TENT5D: variants seen among roughly 807,000 people sequenced by gnomAD.
TENT5D encodes terminal nucleotidyltransferase 5D, also known as cancer/testis antigen 112.
For missense variants in TENT5D, 191 were observed against 287.0 expected, an observed-to-expected ratio of 0.67 and a Z score of 2.42; for synonymous variants, 103 against 100.6, an observed-to-expected ratio of 1.02 and a Z score of -0.15.
intron 3 of TENT5D, among the ~76,000 whole-genome samples, chrX:80,377,700 G>A (rs1448804774): frequency 4.5e-5 from 5 of 111,933 alleles, no homozygotes; most frequent in Non-Finnish European, 9.4e-5. Context: ...AAACATACGT[G>A]TGCATGTGTC....
intron 3 of TENT5D, among the ~76,000 whole-genome samples, chrX:80,363,789 G>T (rs1197209251): frequency 8.9e-6 from 1 of 111,876 alleles, no homozygotes; most frequent in Non-Finnish European, 1.9e-5. Context: ...TTTCTTCCTA[G>T]ATTGGTTCTT....
intron 1 of TENT5D, among the ~76,000 whole-genome samples, chrX:80,437,156 G>A (rs1303637552): frequency 8.9e-6 from 1 of 111,883 alleles, no homozygotes; most frequent in African/African-American, 3.2e-5. Context: ...TATGATTTGA[G>A]CACCCAACTA....
chrX:80,405,680 G>A (rs1437010088), intron 3 of TENT5D, among the ~76,000 whole-genome samples: 1 of 110,479 alleles, frequency 9.1e-6, no homozygotes, highest in East Asian at 2.9e-4. Flanking sequence ...CTGGAGGAGG[G>A]GCGCCCACCA....
At chrX:80,350,379 T>C (rs142437112) in intron 3 of TENT5D, among the ~76,000 whole-genome samples, 2 of 111,849 alleles carry the variant, frequency 1.8e-5, no homozygotes, top group Non-Finnish European at 3.8e-5. Context: ...TCTTGTTGCA[T>C]TGACCCCTTT....
chrX:80,362,164 AT>A (rs1322852642), intron 3 of TENT5D, among the ~76,000 whole-genome samples: 1 of 110,417 alleles, frequency 9.1e-6, no homozygotes, highest in Non-Finnish European at 1.9e-5. Context: ...ACATGATTTT[AT>A]CTTTTTTTTT....
intron 2 of TENT5D, among the ~76,000 whole-genome samples, chrX:80,339,272 A>G (rs1479081294): frequency 9.0e-6 from 1 of 111,571 alleles, no homozygotes; most frequent in Non-Finnish European, 1.9e-5. Context: ...CCCATTTAGT[A>G]TAAGAGTAAA....
chrX:80,408,893 A>C (rs1431346136), intron 3 of TENT5D, among the ~76,000 whole-genome samples: 2 of 110,182 alleles, frequency 1.8e-5, no homozygotes, highest in African/African-American at 6.6e-5. Context: ...CAAAAAGCTT[A>C]TCCACCATGA....
intron 3 of TENT5D, among the ~76,000 whole-genome samples, chrX:80,359,446 T>C (rs1930360396): frequency 8.9e-6 from 1 of 111,982 alleles, no homozygotes; most frequent in South Asian, 3.7e-4. Context: ...GTGGCACATA[T>C]ACACCATGGA....
intron 3 of TENT5D, among the ~76,000 whole-genome samples, chrX:80,343,149 C>G (rs1929992645): frequency 9.0e-6 from 1 of 110,809 alleles, no homozygotes; most frequent in African/African-American, 3.3e-5. Flanking sequence ...CAGCTCATAC[C>G]AGGTACAGGA....
chrX:80,391,574 A>C (rs1931128091), intron 3 of TENT5D, among the ~76,000 whole-genome samples: 1 of 111,890 alleles, frequency 8.9e-6, no homozygotes, highest in African/African-American at 3.2e-5. Context: ...TGGTGTATGT[A>C]CCTTAACCTT....
chrX:80,355,114 A>C (rs960151906), intron 3 of TENT5D, among the ~76,000 whole-genome samples: 1 of 111,794 alleles, frequency 8.9e-6, no homozygotes, highest in African/African-American at 3.3e-5. Flanking sequence ...GTCAGCTGGC[A>C]ATAACACTCC....
At chrX:80,358,470 TTGTAA>T (rs1930334403) in intron 3 of TENT5D, among the ~76,000 whole-genome samples, 1 of 112,377 alleles carries the variant, frequency 8.9e-6, no homozygotes, top group African/African-American at 3.2e-5. Context: ...ATAGTGAAGC[TTGTAA>T]TCATAGAAAA....
At chrX:80,411,835 T>G (rs1931673801) in intron 3 of TENT5D, among the ~76,000 whole-genome samples, 1 of 112,231 alleles carries the variant, frequency 8.9e-6, no homozygotes, top group African/African-American at 3.2e-5. Context: ...TTTGAGAGTC[T>G]ACGGCTTTTC....
At chrX:80,385,797 A>C (rs1930984801) in intron 3 of TENT5D, among the ~76,000 whole-genome samples, 1 of 112,706 alleles carries the variant, frequency 8.9e-6, no homozygotes, top group Non-Finnish European at 1.9e-5. Context: ...GAAGACATTT[A>C]TGCAAACAAA....
rs1031845214 is a variant in TENT5D, at chrX:80,393,731, G to C, written c.-141-44879G>C. ...TTATTCCCATCACCTCCCAGCCTCT[G>C]GTAACCACCATTTTACTCCCTGCTT... is the stretch of plus-strand genomic sequence containing the variant. On this transcript the variant is annotated intron_variant, in intron 3 of 4. Coordinates refer to the TENT5D transcript ENST00000538312. 2.7e-5 allele frequency among the ~76,000 whole-genome samples: 3 copies of C among 111,090 alleles called. No homozygotes were observed. The Admixed American group carries it at 2.9e-4, about 11-fold the overall frequency.
At chrX:80,373,084 T>C (rs753472857) in intron 3 of TENT5D, among the ~76,000 whole-genome samples, 15 of 111,170 alleles carry the variant, frequency 1.3e-4, no homozygotes, top group African/African-American at 4.9e-4. Flanking sequence ...TGCAAAAATA[T>C]GTATGTTGCT....
At chrX:80,442,994 A>G in exon 3 of TENT5D, 1 of 1,211,430 alleles carries the variant, frequency 8.3e-7, no homozygotes, top group East Asian at 3.0e-5. Context: ...CTTTCAAATA[A>G]CACTGGGAAG....
chrX:80,416,562 C>T (rs1931783168), upstream of TENT5D, among the ~76,000 whole-genome samples: 1 of 110,016 alleles, frequency 9.1e-6, no homozygotes, highest in African/African-American at 3.3e-5. Flanking sequence ...CTGAAGTCAT[C>T]CAGGCACAGG....
intron 3 of TENT5D, among the ~76,000 whole-genome samples, chrX:80,387,277 G>T (rs1464626555): frequency 1.8e-5 from 2 of 112,041 alleles, no homozygotes; most frequent in Non-Finnish European, 3.8e-5. Context: ...TTTACTGGTT[G>T]CTCTTGATGC....
Sources: gnomAD v4.1 joint callset for allele counts (sites outside exome capture counted in the v4.1 genomes callset) on GRCh38, gnomAD v4.1.1 for gene constraint, MANE v1.5 for transcripts, NCBI Gene and HGNC (gene_info 2026-07-23, HGNC 2026-07-21) for gene names.